The following NSMCE2 variants were observed in gnomAD, a reference collection of about 807,000 sequenced individuals.
NSMCE2 encodes NSE2 SUMO ligase component of SMC5/6 complex, also known as E3 SUMO-protein ligase NSE2.
NSMCE2 carries 24 observed loss-of-function variants against 23.8 expected under a neutral mutation model. The ratio of observed to expected loss-of-function variants is 1.01; its 90% confidence interval spans 0.73 to 1.42. The LOEUF (loss-of-function observed/expected upper bound fraction) is 1.42. Among genes scored for constraint, NSMCE2 ranks in the 40% most tolerant of loss-of-function variants. The pLI is 0.00. For synonymous variants in NSMCE2, 92 were observed against 94.1 expected (o/e 0.98, Z 0.13); for missense variants, 284 against 296.5 (o/e 0.96, Z 0.31).
chr8:125,104,449 C>T (rs1818357037), intron 3 of NSMCE2, among the ~76,000 whole-genome samples: 1 of 152,198 alleles, frequency 6.6e-6, no homozygotes, highest in Non-Finnish European at 1.5e-5. Flanking sequence ...AAGCATGGCC[C>T]TTCTGGAGTC....
intron 5 of NSMCE2, among the ~76,000 whole-genome samples, chr8:125,226,310 A>G (rs1825087949): frequency 6.6e-6 from 1 of 152,216 alleles, no homozygotes; most frequent in South Asian, 2.1e-4. Flanking sequence ...GAAATTCACC[A>G]GGAAAGGAAG....
chr8:125,230,584 T>A (rs1420892458), intron 5 of NSMCE2, among the ~76,000 whole-genome samples: 1 of 152,236 alleles, frequency 6.6e-6, no homozygotes, highest in Non-Finnish European at 1.5e-5. Flanking sequence ...GTTTCAACAC[T>A]GTTCAGTATC....
intron 3 of NSMCE2, among the ~76,000 whole-genome samples, chr8:125,123,970 A>G (rs1256533179): frequency 6.6e-6 from 1 of 152,198 alleles, no homozygotes; most frequent in Non-Finnish European, 1.5e-5. Context: ...GAGATATATA[A>G]CCATCACCAC....
intron 5 of NSMCE2, among the ~76,000 whole-genome samples, chr8:125,200,153 G>T (rs997666988): frequency 6.6e-6 from 1 of 152,056 alleles, no homozygotes; most frequent in South Asian, 2.1e-4. Context: ...TCTTTTAATT[G>T]GGGCATTTAG....
In NSMCE2 at chr8:125,143,098, GCACA is replaced by G. The variant is rs56704513; in HGVS notation, c.158-8052_158-8049del. On this transcript the variant is annotated intron_variant, in intron 3 of 7. Coordinates refer to ENST00000287437, the MANE Select transcript of NSMCE2 (RefSeq NM_173685.4). ...CAGGACACCCCCAGTGTGGGTGCACGCACACACACACACACACACACACAGAGGT... is the reference window on the plus strand; with the variant it reads ...CAGGACACCCCCAGTGTGGGTGCACGCACACACACACACACACACAGAGGT... Among the ~76,000 whole-genome samples, 715 of 148,444 alleles carry G rather than the reference GCACA, an allele frequency of 4.8e-3. 23 individuals are homozygous for G. Among genetic ancestry groups the G allele is most frequent in the Admixed American group, 0.041 (617 of 14,868 alleles).
At chr8:125,191,177 G>C (rs1219931714) in intron 5 of NSMCE2, among the ~76,000 whole-genome samples, 1 of 152,044 alleles carries the variant, frequency 6.6e-6, no homozygotes, top group East Asian at 1.9e-4. Context: ...CAGCCATTAT[G>C]TGCATTATTA....
chr8:125,113,304 A>G (rs993360166), intron 3 of NSMCE2, among the ~76,000 whole-genome samples: 4 of 152,168 alleles, frequency 2.6e-5, no homozygotes, highest in African/African-American at 7.2e-5. Flanking sequence ...TCTGCACAAC[A>G]TAGTGAAACC....
intron 5 of NSMCE2, among the ~76,000 whole-genome samples, chr8:125,219,485 G>A (rs1824752073): frequency 6.6e-6 from 1 of 152,246 alleles, no homozygotes; most frequent in South Asian, 2.1e-4. Flanking sequence ...CTGCTATACT[G>A]CCTAGAGCTT....
intron 4 of NSMCE2, among the ~76,000 whole-genome samples, chr8:125,174,402 C>T (rs1383431339): frequency 6.6e-6 from 1 of 152,178 alleles, no homozygotes; most frequent in Non-Finnish European, 1.5e-5. Context: ...GATGTAAAAT[C>T]AGTTTCGTTT....
At chr8:125,152,465 A>G (rs1821086383) in intron 4 of NSMCE2, among the ~76,000 whole-genome samples, 1 of 152,218 alleles carries the variant, frequency 6.6e-6, no homozygotes, top group African/African-American at 2.4e-5. Flanking sequence ...ATGTGCATTC[A>G]AGGGTGAAAA....
chr8:125,195,702 C>A (rs568973804), intron 5 of NSMCE2, among the ~76,000 whole-genome samples: 2 of 152,166 alleles, frequency 1.3e-5, no homozygotes, highest in African/African-American at 4.8e-5. Context: ...TGACCATCAA[C>A]CCACTTTACA....
At position 125,207,248 on chromosome 8, in the gene NSMCE2, C is replaced by G. The variant is rs570960832; in HGVS notation, c.418+24992C>G. ...CTCTCCCAGAAATTGGTATTTAAAG[C>G]AATAAAGAGTAAAGGTCACACCTGA... On this transcript the variant is annotated intron_variant, in intron 5 of 7. Coordinates refer to ENST00000287437, the MANE Select transcript of NSMCE2 (RefSeq NM_173685.4). Among the ~76,000 whole-genome samples the G allele has an allele frequency of 2.0e-5, 3 of 151,232 alleles. No individual in the cohort carries two copies. The East Asian group carries it at 5.8e-4, about 29-fold the overall frequency.
intron 4 of NSMCE2, among the ~76,000 whole-genome samples, chr8:125,178,618 C>A (rs1158814043): frequency 5.3e-5 from 8 of 152,178 alleles, no homozygotes; most frequent in Non-Finnish European, 1.0e-4. Context: ...CGCCTGTAAT[C>A]CCAGCACTTT....
chr8:125,165,651 G>A (rs898644070), intron 4 of NSMCE2, among the ~76,000 whole-genome samples: 1 of 152,152 alleles, frequency 6.6e-6, no homozygotes, highest in Non-Finnish European at 1.5e-5. Flanking sequence ...TAATCACTGA[G>A]AATCAAAATT....
intron 5 of NSMCE2, among the ~76,000 whole-genome samples, chr8:125,223,517 G>A (rs1244628478): frequency 6.6e-6 from 1 of 152,174 alleles, no homozygotes; most frequent in African/African-American, 2.4e-5. Context: ...GGATCATATG[G>A]TAGCTCTATT....
intron 5 of NSMCE2, among the ~76,000 whole-genome samples, chr8:125,297,014 G>A (rs1312823201): frequency 1.3e-5 from 2 of 152,170 alleles, no homozygotes; most frequent in Non-Finnish European, 2.9e-5. Flanking sequence ...CTTTCTCATT[G>A]CAAACATTAA....
At chr8:125,145,784 G>A (rs1236642355) in intron 3 of NSMCE2, among the ~76,000 whole-genome samples, 1 of 152,128 alleles carries the variant, frequency 6.6e-6, no homozygotes, top group Admixed American at 6.6e-5. Flanking sequence ...CTCTCCTGCT[G>A]CTCTTCATTT....
chr8:125,326,783 C>G (rs960797576), intron 5 of NSMCE2, among the ~76,000 whole-genome samples: 7 of 150,342 alleles, frequency 4.7e-5, no homozygotes, highest in African/African-American at 1.7e-4. Context: ...TGGCAAAACA[C>G]CATCTCTACT....
chr8:125,136,034 G>C (rs770311233), intron 3 of NSMCE2, among the ~76,000 whole-genome samples: 40 of 152,310 alleles, frequency 2.6e-4, no homozygotes, highest in Middle Eastern at 3.4e-3. Context: ...TACCTTGTAT[G>C]CTTCTAGTCA....
Sources: gnomAD v4.1 joint callset for allele counts (sites outside exome capture counted in the v4.1 genomes callset) on GRCh38, gnomAD v4.1.1 for gene constraint, MANE v1.5 for transcripts, NCBI Gene and HGNC (gene_info 2026-07-23, HGNC 2026-07-21) for gene names.